PBX3: variants seen among roughly 807,000 people sequenced by gnomAD.
PBX3 encodes pre-B-cell leukemia transcription factor 3.
PBX3 carries 14 observed loss-of-function variants against 48.5 expected under a neutral mutation model. The observed-to-expected ratio is 0.29, with a 90% CI of 0.19 to 0.45. The LOEUF is 0.45. Ranked by LOEUF, PBX3 falls within the 20% of genes least tolerant of loss-of-function variation. The pLI, the probability that PBX3 is intolerant of heterozygous loss-of-function variation, is 1.00. For missense variants in PBX3, 386 were observed against 546.7 expected (o/e 0.71, Z 2.93); for synonymous variants, 210 against 200.3 (o/e 1.05, Z -0.41).
At chr9:125,822,843 C>A (rs1481348029) in intron 2 of PBX3, among the ~76,000 whole-genome samples, 1 of 152,060 alleles carries the variant, frequency 6.6e-6, no homozygotes, top group African/African-American at 2.4e-5. Context: ...TTATGATACC[C>A]TCAACCTTAA....
chr9:125,930,047 T>C (rs1404918018), intron 4 of PBX3, among the ~76,000 whole-genome samples: 1 of 152,230 alleles, frequency 6.6e-6, no homozygotes, highest in South Asian at 2.1e-4. Context: ...GCTGCCAGTT[T>C]AGTGACTCAG....
chr9:125,777,188 A>G (rs1319121472), intron 2 of PBX3, among the ~76,000 whole-genome samples: 1 of 150,232 alleles, frequency 6.7e-6, no homozygotes, highest in Non-Finnish European at 1.5e-5. Flanking sequence ...ATTTTTTTGT[A>G]CTTTTAGTAG....
intron 2 of PBX3, among the ~76,000 whole-genome samples, chr9:125,837,051 T>C (rs2132215912): frequency 6.6e-6 from 1 of 152,334 alleles, no homozygotes; most frequent in East Asian, 1.9e-4. Context: ...CATACATATT[T>C]GCATGTAAGA....
intron 2 of PBX3, among the ~76,000 whole-genome samples, chr9:125,781,819 C>T (rs756534958): frequency 4.2e-4 from 63 of 150,578 alleles, no homozygotes; most frequent in Non-Finnish European, 8.4e-4. Context: ...TTTTTCTTAA[C>T]GTAGGCATTT....
chr9:125,893,763 T>C (rs1054008464), intron 2 of PBX3, among the ~76,000 whole-genome samples: 3 of 152,174 alleles, frequency 2.0e-5, no homozygotes, highest in Non-Finnish European at 4.4e-5. Context: ...TAGATGAAAA[T>C]CTTGATGTGC....
rs748922329 is a variant in PBX3, at chr9:125,939,776, G to T, written c.843+4169G>T. ...GAATGATCTACAAGTATCAATTCAT[G>T]TTGAGTGAAAAATGCAAATTGGAGA... On this transcript the variant is annotated intron_variant, in intron 5 of 8. Coordinates refer to ENST00000373489, the MANE Select transcript of PBX3 (RefSeq NM_006195.6). Among the ~76,000 whole-genome samples, 4 of 152,322 alleles carry T rather than the reference G, an allele frequency of 2.6e-5. No homozygotes were observed. In the South Asian group the frequency reaches 8.3e-4, roughly 32 times the overall value.
At chr9:125,820,978 T>C (rs547826013) in intron 2 of PBX3, among the ~76,000 whole-genome samples, 1 of 152,348 alleles carries the variant, frequency 6.6e-6, no homozygotes, top group Non-Finnish European at 1.5e-5. Flanking sequence ...AATTTTATTT[T>C]ATACTAATCA....
chr9:125,818,207 C>A (rs201063573), intron 2 of PBX3, among the ~76,000 whole-genome samples: 8,930 of 149,788 alleles, frequency 0.06, 604 homozygotes, highest in East Asian at 0.17. Context: ...CTCAAAAAAA[C>A]CAAAAAAAAA....
At chr9:125,950,858 G>T (rs1025336181) in intron 5 of PBX3, among the ~76,000 whole-genome samples, 2 of 152,088 alleles carry the variant, frequency 1.3e-5, no homozygotes, top group South Asian at 4.1e-4. Context: ...TAACCATGAA[G>T]GAGCTGAAAT....
At chr9:125,910,220 T>C (rs1332229182) in intron 2 of PBX3, among the ~76,000 whole-genome samples, 1 of 152,162 alleles carries the variant, frequency 6.6e-6, no homozygotes. Context: ...GAAGTAATCA[T>C]TTTTATTCCT....
At chr9:125,785,266 C>T (rs1837428889) in intron 2 of PBX3, among the ~76,000 whole-genome samples, 1 of 152,038 alleles carries the variant, frequency 6.6e-6, no homozygotes, top group African/African-American at 2.4e-5. Flanking sequence ...GAGGGTGTTG[C>T]CAGAGGAGGT....
At chr9:125,948,257 A>G (rs1842107393) in intron 5 of PBX3, among the ~76,000 whole-genome samples, 1 of 87,384 alleles carries the variant, frequency 1.1e-5, no homozygotes, top group Admixed American at 1.4e-4. Context: ...ATGGACATAC[A>G]TAGAACACTA....
At chr9:125,898,338 A>G (rs577787273) in intron 2 of PBX3, among the ~76,000 whole-genome samples, 1 of 151,580 alleles carries the variant, frequency 6.6e-6, no homozygotes, top group East Asian at 1.9e-4. Flanking sequence ...ATTGTGATGC[A>G]CCCTATGTTT....
At position 125,965,849 on chromosome 9, in the gene PBX3, G is replaced by A. The variant is rs749727832; in HGVS notation, c.1231G>A (p.Asp411Asn). 5.6e-6 allele frequency: 9 copies of A among 1,613,904 alleles called. No individual in the cohort carries two copies. In the African/African-American group the frequency reaches 9.3e-5, roughly 17 times the overall value. Reference protein sequence around the residue: ...HNLNANGGWQDATTPSSVTSP... With the variant: ...HNLNANGGWQNATTPSSVTSP... ...CTTTCAGGCTAATGGAGGCTGGCAG[G>A]ACGCAACAACTCCATCTTCTGTGAC... Residue 411 changes from aspartate to asparagine, a missense_variant, in exon 9 of 9, where the codon GAC (aspartate) becomes AAC (asparagine). Coordinates refer to ENST00000373489, the MANE Select transcript of PBX3 (RefSeq NM_006195.6).
At chr9:125,906,809 A>G (rs1056500048) in intron 2 of PBX3, among the ~76,000 whole-genome samples, 2 of 152,004 alleles carry the variant, frequency 1.3e-5, no homozygotes, top group Non-Finnish European at 2.9e-5. Flanking sequence ...TCAGCTGTGG[A>G]TTATTTGAAT....
At chr9:125,909,147 T>G (rs1353973924) in intron 2 of PBX3, among the ~76,000 whole-genome samples, 1 of 152,148 alleles carries the variant, frequency 6.6e-6, no homozygotes, top group Admixed American at 6.6e-5. Context: ...GTCCATCTGC[T>G]CCTTCATCTT....
intron 8 of PBX3, among the ~76,000 whole-genome samples, chr9:125,965,068 A>G (rs1046757622): frequency 6.6e-6 from 1 of 152,218 alleles, no homozygotes; most frequent in Admixed American, 6.5e-5. Flanking sequence ...TGACTGACAT[A>G]AAAATATGTA....
At chr9:125,928,392 A>ATGTGTGTGTGTGTGTGTGTGTG (rs112869741) in intron 3 of PBX3, among the ~76,000 whole-genome samples, 4 of 140,284 alleles carry the variant, frequency 2.9e-5, no homozygotes, top group South Asian at 4.5e-4. Flanking sequence ...GGGGAAACAA[A>ATGTGTGTGTGTGTGTGTGTGTG]TGTGTGTGTG....
At chr9:125,851,123 A>G (rs1839565498) in intron 2 of PBX3, among the ~76,000 whole-genome samples, 1 of 152,118 alleles carries the variant, frequency 6.6e-6, no homozygotes, top group African/African-American at 2.4e-5. Context: ...GCTATTAGAT[A>G]TATTTTTCAG....
Sources: allele counts gnomAD v4.1 joint callset (sites outside exome capture counted in the v4.1 genomes callset), GRCh38; gene constraint gnomAD v4.1.1; transcripts MANE v1.5; gene names NCBI Gene and HGNC (gene_info 2026-07-23, HGNC 2026-07-21).